LRP1B: variants seen among roughly 807,000 people sequenced by gnomAD.
The protein encoded by LRP1B is low-density lipoprotein receptor-related protein 1B.
A neutral mutation model predicts 556.6 loss-of-function variants in LRP1B; 217 were observed. That is an observed-to-expected ratio of 0.39 (90% CI 0.35 to 0.44). The LOEUF (loss-of-function observed/expected upper bound fraction) is 0.44, where lower values mean the gene tolerates loss of function less well. Ranked by LOEUF, LRP1B falls within the 20% of genes least tolerant of loss-of-function variation. The pLI is 1.00. For synonymous variants in LRP1B, 2,047 were observed against 1,865.8 expected (o/e 1.10, Z -2.50); for missense variants, 5,053 against 5,620.8 (o/e 0.90, Z 3.23).
At chr2:141,474,522 T>G (rs1030530656) in intron 3 of LRP1B, among the ~76,000 whole-genome samples, 9 of 152,274 alleles carry the variant, frequency 5.9e-5, no homozygotes, top group African/African-American at 2.2e-4. Flanking sequence ...ATTAAATACA[T>G]TAGAATTATT....
chr2:140,720,761 G>A (rs1016594694), intron 35 of LRP1B, among the ~76,000 whole-genome samples: 11 of 151,980 alleles, frequency 7.2e-5, no homozygotes, highest in Admixed American at 6.6e-4. Flanking sequence ...TGGGCTTTTA[G>A]GTCCTAGAAA....
chr2:140,618,126 TAC>T (rs1485371389), intron 41 of LRP1B, among the ~76,000 whole-genome samples: 1 of 152,022 alleles, frequency 6.6e-6, no homozygotes, highest in African/African-American at 2.4e-5. Context: ...TTAAAAGATT[TAC>T]AGTCAAAAGT....
chr2:141,147,079 C>A (rs73962831), intron 7 of LRP1B, among the ~76,000 whole-genome samples: 2,844 of 152,278 alleles, frequency 0.019, 85 homozygotes, highest in African/African-American at 0.065. Flanking sequence ...TTTTTCTTCT[C>A]CCCTCCTTTT....
chr2:141,224,635 G>A (rs189882415), intron 6 of LRP1B, among the ~76,000 whole-genome samples: 258 of 152,130 alleles, frequency 1.7e-3, no homozygotes, highest in African/African-American at 5.9e-3. Context: ...AATACTATGC[G>A]GCCATAAAAA....
intron 1 of LRP1B, among the ~76,000 whole-genome samples, chr2:142,093,589 G>A (rs1365382110): frequency 3.9e-5 from 6 of 152,026 alleles, no homozygotes; most frequent in African/African-American, 1.4e-4. Context: ...AAACCAGAAA[G>A]GCAAGGCAGT....
intron 1 of LRP1B, among the ~76,000 whole-genome samples, chr2:141,842,813 T>A (rs1697521109): frequency 6.6e-6 from 1 of 152,146 alleles, no homozygotes; most frequent in Non-Finnish European, 1.5e-5. Flanking sequence ...TAATGACCTG[T>A]CAAATACATT....
At chr2:141,085,293 C>A (rs1454166282) in intron 7 of LRP1B, among the ~76,000 whole-genome samples, 1 of 152,164 alleles carries the variant, frequency 6.6e-6, no homozygotes, top group Admixed American at 6.5e-5. Context: ...TATAATGTAA[C>A]CTCTTATAGA....
chr2:140,801,150 T>C (rs1690495551), intron 32 of LRP1B, among the ~76,000 whole-genome samples: 1 of 152,162 alleles, frequency 6.6e-6, no homozygotes, highest in South Asian at 2.1e-4. Context: ...GTGAAACATA[T>C]ATGAATAAAG....
chr2:140,584,702 C>T (rs1016780836), intron 43 of LRP1B, among the ~76,000 whole-genome samples: 1 of 152,002 alleles, frequency 6.6e-6, no homozygotes, highest in African/African-American at 2.4e-5. Context: ...CTTTAATTTG[C>T]AAGACTAACC....
chr2:141,388,564 T>A (rs568632184), intron 3 of LRP1B, among the ~76,000 whole-genome samples: 130 of 152,216 alleles, frequency 8.5e-4, no homozygotes, highest in Non-Finnish European at 1.5e-3. Flanking sequence ...AACTCAATGG[T>A]GGAAGTTTGA....
chr2:140,487,357 A>G (rs975042050), intron 58 of LRP1B, among the ~76,000 whole-genome samples: 3 of 151,906 alleles, frequency 2.0e-5, no homozygotes, highest in Non-Finnish European at 4.4e-5. Context: ...CCCATTTCCT[A>G]GGGTTGTGAA....
chr2:140,254,518 TTTTTTTG>T (rs1370483264), intron 86 of LRP1B, among the ~76,000 whole-genome samples: 1 of 152,034 alleles, frequency 6.6e-6, no homozygotes, highest in Non-Finnish European at 1.5e-5. Context: ...CCAAGATTTC[TTTTTTTG>T]TTTTTTGTTT....
At chr2:141,219,414 C>T (rs914421604) in intron 6 of LRP1B, among the ~76,000 whole-genome samples, 1 of 152,334 alleles carries the variant, frequency 6.6e-6, no homozygotes, top group Non-Finnish European at 1.5e-5. Flanking sequence ...ATTGCTGCAA[C>T]TATAGCCAGG....
chr2:140,917,413 T>A (rs1482971639), intron 21 of LRP1B, among the ~76,000 whole-genome samples: 1 of 152,152 alleles, frequency 6.6e-6, no homozygotes, highest in Non-Finnish European at 1.5e-5. Context: ...TTACAACAGC[T>A]TTATTCATAA....
In LRP1B at chr2:140,420,014, GAAAAA is replaced by G. The variant is rs76165653; in HGVS notation, c.10414+22485_10414+22489del. ...CAGAGTGAGACTCTGTCATAAAAAA[GAAAAA>G]AAAAAAAAAAAAAGGAAAGTTAGAA... On this transcript the variant is annotated intron_variant, in intron 66 of 90. Coordinates refer to ENST00000389484, the MANE Select transcript of LRP1B (RefSeq NM_018557.3). 3.5e-5 allele frequency among the ~76,000 whole-genome samples: 3 copies of G among 86,326 alleles called. No homozygotes were observed. In the South Asian group the frequency reaches 1.2e-3, roughly 35 times the overall value. 56.6% of individuals were successfully genotyped at this position (86,326 alleles called of 152,430 possible).
In LRP1B at chr2:140,842,590, C is replaced by A. The variant is rs1692143406; in HGVS notation, c.4940-1498G>T. 2.6e-5 allele frequency among the ~76,000 whole-genome samples: 4 copies of A among 151,936 alleles called. No individual in the cohort carries two copies. In the Admixed American group the frequency reaches 2.6e-4, roughly 10 times the overall value. Reference sequence around the variant, plus strand: ...CACATTTCTTCTTATTTTTAGTTATCCTCAACCAATTTCATCTTTTTTTTT... The same window carrying A: ...CACATTTCTTCTTATTTTTAGTTATACTCAACCAATTTCATCTTTTTTTTT... On this transcript the variant is annotated intron_variant, in intron 29 of 90. Transcript: ENST00000389484.
rs1335273873 is a variant in LRP1B at position 140,867,910 on chromosome 2, C to T, written c.4335-76G>A. 7.1e-6 allele frequency: 10 copies of T among 1,404,612 alleles called. No homozygotes were observed. In the African/African-American group the frequency reaches 1.5e-4, roughly 20 times the overall value. 87.0% of individuals were successfully genotyped at this position (1,404,612 alleles called of 1,614,324 possible). On this transcript the variant is annotated intron_variant, in intron 26 of 90. Transcript: ENST00000389484. ...CCAGAGACATAATCATGTAACTCAG[C>T]TAAATGACAAAAAAGGTATTTTATA...
intron 1 of LRP1B, among the ~76,000 whole-genome samples, chr2:142,039,247 G>C (rs968681083): frequency 6.6e-6 from 1 of 151,524 alleles, no homozygotes; most frequent in South Asian, 2.1e-4. Flanking sequence ...ATATACCTCA[G>C]TGAGCCAGGC....
In LRP1B at chr2:141,145,987, C is replaced by T. The variant is rs141374985; in HGVS notation, c.1013+42434G>A. ...TTGCCCAGGCTGGAGTGTAGTGGTGCAATCTCAGCTCACCGCAACCTTCAC... is the reference window on the plus strand; with the variant it reads ...TTGCCCAGGCTGGAGTGTAGTGGTGTAATCTCAGCTCACCGCAACCTTCAC... On this transcript the variant is annotated intron_variant, in intron 7 of 90. Transcript: ENST00000389484. Among the ~76,000 whole-genome samples, 26 of 126,398 alleles carry T rather than the reference C, an allele frequency of 2.1e-4. No individual in the cohort carries two copies. In the East Asian group the frequency reaches 6.0e-3, roughly 29 times the overall value. 82.9% of individuals were successfully genotyped at this position (126,398 alleles called of 152,430 possible).
Sources: allele counts gnomAD v4.1 joint callset (sites outside exome capture counted in the v4.1 genomes callset), GRCh38; gene constraint gnomAD v4.1.1; transcripts MANE v1.5; gene names NCBI Gene and HGNC (gene_info 2026-07-23, HGNC 2026-07-21).